DMD: variants seen among roughly 807,000 people sequenced by gnomAD.
The protein encoded by DMD is dystrophin.
DMD carries 63 observed loss-of-function variants against 330.1 expected under a neutral mutation model. The ratio of observed to expected loss-of-function variants is 0.19; its 90% CI spans 0.16 to 0.24. The LOEUF is 0.24. Among genes scored for constraint, DMD ranks in the 10% least tolerant of loss-of-function variants. DMD has a pLI of 1.00. For synonymous variants in DMD, 1,223 were observed against 959.8 expected, an observed-to-expected ratio of 1.27 and a Z score of -5.07; for missense variants, 3,344 against 2,684.1, an observed-to-expected ratio of 1.25 and a Z score of -5.43.
At chrX:32,711,455 T>G (rs773168577) in intron 7 of DMD, among the ~76,000 whole-genome samples, 1 of 111,500 alleles carries the variant, frequency 9.0e-6, no homozygotes, top group South Asian at 3.8e-4. Context: ...CACTCTTATC[T>G]CAATGGGAAC....
intron 48 of DMD, among the ~76,000 whole-genome samples, chrX:31,859,592 A>G (rs1397439203): frequency 2.7e-5 from 3 of 112,288 alleles, no homozygotes; most frequent in African/African-American, 9.7e-5. Context: ...ATATAGTAGA[A>G]TAAGGAATGG....
At chrX:32,731,345 G>A (rs959919014) in intron 7 of DMD, among the ~76,000 whole-genome samples, 5 of 112,534 alleles carry the variant, frequency 4.4e-5, no homozygotes, top group South Asian at 7.4e-4. Context: ...AGGGGCACCC[G>A]CCATTGCCTA....
At position 32,563,267 on chromosome X, in the gene DMD, C is replaced by A. The variant is rs980642545; in HGVS notation, c.1992+2435G>T. Reference sequence around the variant, plus strand: ...CTGAGGCAGGAGAACGGTGTGAACCCAGGAGGCAGAGCTTGCAGTGAGCTG... The same window carrying A: ...CTGAGGCAGGAGAACGGTGTGAACCAAGGAGGCAGAGCTTGCAGTGAGCTG... On this transcript the variant is annotated intron_variant, in intron 16 of 78. Coordinates refer to ENST00000357033, the MANE Select transcript of DMD (RefSeq NM_004006.3). Among the ~76,000 whole-genome samples the A allele has an allele frequency of 2.2e-4, 23 of 102,813 alleles. No individual in the cohort carries two copies. The East Asian group carries it at 7.2e-3, about 32-fold the overall frequency. The allele number at this position is 102,813 out of a possible 115,157, so 89.3% of individuals were successfully genotyped here.
chrX:33,280,462 G>A (rs1442638622), intron 1 of DMD, among the ~76,000 whole-genome samples: 1 of 111,686 alleles, frequency 9.0e-6, no homozygotes, highest in South Asian at 3.7e-4. Context: ...TTCTTCTGAT[G>A]TTTAGATCAA....
chrX:32,143,829 C>A (rs2096765687), intron 44 of DMD, among the ~76,000 whole-genome samples: 1 of 110,082 alleles, frequency 9.1e-6, no homozygotes, highest in Admixed American at 9.8e-5. Flanking sequence ...GGATTACAGG[C>A]GTGAGCCACC....
chrX:33,042,749 GTTGT>G (rs2094322379), intron 1 of DMD, among the ~76,000 whole-genome samples: 2 of 112,055 alleles, frequency 1.8e-5, no homozygotes, highest in Non-Finnish European at 3.8e-5. Context: ...TGTTTTAGCT[GTTGT>G]TTGTGTTTTT....
chrX:32,868,852 C>G (rs2082725611), intron 2 of DMD, among the ~76,000 whole-genome samples: 1 of 112,277 alleles, frequency 8.9e-6, no homozygotes, highest in African/African-American at 3.2e-5. Flanking sequence ...GAAGCCCAGA[C>G]AAGTGGGATT....
chrX:32,682,768 T>C (rs149963936), intron 9 of DMD, among the ~76,000 whole-genome samples: 97 of 112,094 alleles, frequency 8.7e-4, no homozygotes, highest in African/African-American at 2.9e-3. Flanking sequence ...TATTTCTTAG[T>C]TCTAAGTTGG....
intron 2 of DMD, among the ~76,000 whole-genome samples, chrX:32,959,409 T>C (rs2091780481): frequency 9.0e-6 from 1 of 111,636 alleles, no homozygotes; most frequent in Non-Finnish European, 1.9e-5. Flanking sequence ...CCACTGTGGG[T>C]TATCAGATTC....
chrX:33,227,555 T>C (rs1212247892), intron 1 of DMD, among the ~76,000 whole-genome samples: 1 of 111,276 alleles, frequency 9.0e-6, no homozygotes, highest in Non-Finnish European at 1.9e-5. Context: ...ATGAAAGTTC[T>C]GCACATATTT....
chrX:32,745,035 G>A (rs918486148), intron 7 of DMD, among the ~76,000 whole-genome samples: 4 of 111,750 alleles, frequency 3.6e-5, no homozygotes, highest in Non-Finnish European at 7.5e-5. Flanking sequence ...GTAAGGATGT[G>A]AGTTTGAGAT....
intron 62 of DMD, among the ~76,000 whole-genome samples, chrX:31,292,198 C>A (rs1181322162): frequency 1.8e-5 from 2 of 110,220 alleles, no homozygotes; most frequent in Non-Finnish European, 1.9e-5. Context: ...ATATTTGCAA[C>A]ACATACAATT....
At chrX:31,165,457 T>C (rs1391035137) in intron 74 of DMD, among the ~76,000 whole-genome samples, 2 of 111,728 alleles carry the variant, frequency 1.8e-5, no homozygotes, top group Admixed American at 9.5e-5. Context: ...ATCTAATCAA[T>C]TTGCTCTGCA....
intron 7 of DMD, among the ~76,000 whole-genome samples, chrX:32,735,890 G>A (rs913286073): frequency 9.0e-6 from 1 of 111,667 alleles, no homozygotes. Flanking sequence ...CAAAAGCAAT[G>A]GCAACAAAAG....
chrX:32,718,546 T>C (rs760400287), intron 7 of DMD, among the ~76,000 whole-genome samples: 83 of 111,935 alleles, frequency 7.4e-4, no homozygotes, highest in Middle Eastern at 4.7e-3. Context: ...CTAATACACA[T>C]ATCAAGATAA....
intron 1 of DMD, among the ~76,000 whole-genome samples, chrX:33,147,319 CTTGA>C (rs778743389): frequency 9.0e-6 from 1 of 111,573 alleles, no homozygotes; most frequent in East Asian, 2.8e-4. Context: ...AACATAAACA[CTTGA>C]TTATTTGATT....
At chrX:32,054,305 T>C (rs1026412243) in intron 44 of DMD, among the ~76,000 whole-genome samples, 7 of 104,925 alleles carry the variant, frequency 6.7e-5, no homozygotes, top group Admixed American at 4.1e-4. Flanking sequence ...AACTGGTCAT[T>C]TAGCATTAAG....
intron 7 of DMD, among the ~76,000 whole-genome samples, chrX:32,731,036 G>A (rs1052540557): frequency 1.8e-4 from 20 of 111,479 alleles, no homozygotes; most frequent in Non-Finnish European, 2.5e-4. Context: ...GACAGTGGGC[G>A]CAGCTCAGTG....
chrX:32,468,832 T>C, intron 22 of DMD, 122 bp from the exon 23 acceptor site: 1 of 576,764 alleles, frequency 1.7e-6, no homozygotes. Flanking sequence ...TAGATGATCT[T>C]CTATCAGTTA....
Sources: gnomAD v4.1 joint callset for allele counts (sites outside exome capture counted in the v4.1 genomes callset) on GRCh38, gnomAD v4.1.1 for gene constraint, MANE v1.5 for transcripts, NCBI Gene and HGNC (gene_info 2026-07-23, HGNC 2026-07-21) for gene names.